Variants in NMNAT2 observed in about 807,000 individuals in gnomAD.
The protein encoded by NMNAT2 is nicotinamide/nicotinic acid mononucleotide adenylyltransferase 2.
Under a neutral mutation model 41.6 loss-of-function variants are expected in NMNAT2, and 11 were observed. The observed-to-expected ratio is 0.26, with a 90% CI of 0.17 to 0.44. The LOEUF (loss-of-function observed/expected upper bound fraction) is 0.44. NMNAT2 is among the 20% of genes least tolerant of loss of function. NMNAT2 has a pLI of 1.00. For synonymous variants in NMNAT2, 148 were observed against 151.2 expected, an observed-to-expected ratio of 0.98 and a Z score of 0.16; for missense variants, 288 against 407.7, an observed-to-expected ratio of 0.71 and a Z score of 2.53.
chr1:183,387,086 T>C (rs1648268849), intron 1 of NMNAT2, among the ~76,000 whole-genome samples: 1 of 151,508 alleles, frequency 6.6e-6, no homozygotes, highest in South Asian at 2.1e-4. Context: ...AATAATATCA[T>C]ACATAAATAA....
At chr1:183,339,986 C>T (rs1447604195) in intron 1 of NMNAT2, among the ~76,000 whole-genome samples, 4 of 152,198 alleles carry the variant, frequency 2.6e-5, no homozygotes, top group South Asian at 2.1e-4. Flanking sequence ...TGTCGGTTGC[C>T]GTAGGCCCTT....
At chr1:183,333,574 A>G (rs578160483) in intron 1 of NMNAT2, among the ~76,000 whole-genome samples, 2 of 152,242 alleles carry the variant, frequency 1.3e-5, no homozygotes, top group Non-Finnish European at 2.9e-5. Flanking sequence ...GGAAATGGGC[A>G]GGAAACAGAT....
intron 8 of NMNAT2, among the ~76,000 whole-genome samples, chr1:183,270,086 G>T (rs1431038908): frequency 6.6e-6 from 1 of 152,022 alleles, no homozygotes; most frequent in Admixed American, 6.6e-5. Context: ...GGGTTTCACT[G>T]TGTTAGCCAG....
At chr1:183,311,337 A>T (rs945421254) in intron 1 of NMNAT2, among the ~76,000 whole-genome samples, 1 of 152,174 alleles carries the variant, frequency 6.6e-6, no homozygotes, top group Admixed American at 6.5e-5. Flanking sequence ...TAATTAATTA[A>T]CTGGTTCTTT....
At chr1:183,398,805 A>G (rs1648727058) in intron 1 of NMNAT2, among the ~76,000 whole-genome samples, 2 of 152,228 alleles carry the variant, frequency 1.3e-5, no homozygotes, top group Admixed American at 1.3e-4. Context: ...CTGTTCCTGA[A>G]TGACTACTGG....
At chr1:183,314,795 C>T (rs1211778793) in intron 1 of NMNAT2, among the ~76,000 whole-genome samples, 2 of 152,186 alleles carry the variant, frequency 1.3e-5, no homozygotes, top group African/African-American at 2.4e-5. Flanking sequence ...AGGAGCCTTC[C>T]TTGAGCCCAG....
At chr1:183,317,638 G>T (rs1485270557) in intron 1 of NMNAT2, among the ~76,000 whole-genome samples, 1 of 152,096 alleles carries the variant, frequency 6.6e-6, no homozygotes, top group East Asian at 1.9e-4. Context: ...GTCACCTCTT[G>T]CCAGTCTTTG....
chr1:183,362,834 C>T (rs1416159901), intron 1 of NMNAT2, among the ~76,000 whole-genome samples: 1 of 152,130 alleles, frequency 6.6e-6, no homozygotes, highest in Non-Finnish European at 1.5e-5. Flanking sequence ...TTTTGAGAAA[C>T]TGACAGATTA....
intron 4 of NMNAT2, among the ~76,000 whole-genome samples, chr1:183,288,775 G>A (rs1661459151): frequency 6.6e-6 from 1 of 152,224 alleles, no homozygotes; most frequent in Admixed American, 6.5e-5. Context: ...TGTCACCACA[G>A]CACGTCTTTG....
At chr1:183,403,298 C>A (rs1231028841) in intron 1 of NMNAT2, among the ~76,000 whole-genome samples, 3 of 152,160 alleles carry the variant, frequency 2.0e-5, no homozygotes, top group Non-Finnish European at 2.9e-5. Context: ...AGAAACATGT[C>A]GTTTCTCAAT....
intron 1 of NMNAT2, among the ~76,000 whole-genome samples, chr1:183,417,477 C>T (rs1256022917): frequency 6.6e-6 from 1 of 152,146 alleles, no homozygotes; most frequent in Non-Finnish European, 1.5e-5. Flanking sequence ...CTCCGGCTCG[C>T]GCAGGGCCTC....
chr1:183,402,303 G>C (rs1175631560), intron 1 of NMNAT2, among the ~76,000 whole-genome samples: 1 of 152,138 alleles, frequency 6.6e-6, no homozygotes, highest in Admixed American at 6.5e-5. Context: ...TGGTGCCAAA[G>C]ACCCTATGAC....
chr1:183,298,042 A>C (rs1661749333), intron 1 of NMNAT2, among the ~76,000 whole-genome samples: 1 of 152,232 alleles, frequency 6.6e-6, no homozygotes, highest in African/African-American at 2.4e-5. Flanking sequence ...TAGGAATAGA[A>C]AGAAACGTCC....
intron 1 of NMNAT2, among the ~76,000 whole-genome samples, chr1:183,358,978 A>G (rs1343355535): frequency 6.6e-6 from 1 of 152,222 alleles, no homozygotes; most frequent in Non-Finnish European, 1.5e-5. Context: ...GTTTGAGCAG[A>G]TACGCCAACA....
chr1:183,295,284 G>A (rs1661659689), intron 1 of NMNAT2, among the ~76,000 whole-genome samples: 2 of 152,098 alleles, frequency 1.3e-5, no homozygotes, highest in Non-Finnish European at 2.9e-5. Flanking sequence ...TTACAGGCAT[G>A]AGCCACGGCA....
At chr1:183,263,847 T>C (rs12024028) in intron 8 of NMNAT2, among the ~76,000 whole-genome samples, 15,196 of 152,062 alleles carry the variant, frequency 0.1, 892 homozygotes, top group East Asian at 0.2. Flanking sequence ...GAATTTTGTT[T>C]GAGGGGCTGG....
intron 1 of NMNAT2, among the ~76,000 whole-genome samples, chr1:183,388,541 T>C (rs1648328514): frequency 6.6e-6 from 1 of 152,222 alleles, no homozygotes; most frequent in South Asian, 2.1e-4. Flanking sequence ...CCTGCTACAA[T>C]ATCTAGAATT....
intron 1 of NMNAT2, among the ~76,000 whole-genome samples, chr1:183,341,725 CAAAAA>C (rs762935303): frequency 4.5e-5 from 1 of 22,208 alleles, no homozygotes; most frequent in South Asian, 2.8e-3. Flanking sequence ...AAACAAACAC[CAAAAA>C]AAAAAAAAAA....
At chr1:183,395,626 G>C (rs1043647899) in intron 1 of NMNAT2, among the ~76,000 whole-genome samples, 2 of 152,114 alleles carry the variant, frequency 1.3e-5, no homozygotes, top group African/African-American at 4.8e-5. Flanking sequence ...ATTTTGCAGG[G>C]GGTGAAATGA....
Sources: allele counts gnomAD v4.1 joint callset (sites outside exome capture counted in the v4.1 genomes callset), GRCh38; gene constraint gnomAD v4.1.1; transcripts MANE v1.5; gene names NCBI Gene and HGNC (gene_info 2026-07-23, HGNC 2026-07-21).